The following AGBL1 variants were observed in gnomAD, a reference collection of about 807,000 sequenced individuals.
AGBL1 encodes AGBL carboxypeptidase 1.
Under a neutral mutation model 118.9 loss-of-function variants are expected in AGBL1, and 130 were observed. The ratio of observed to expected loss-of-function variants is 1.09; its 90% confidence interval spans 0.95 to 1.26. AGBL1 has a LOEUF of 1.26. AGBL1 is among the 50% of genes most tolerant of loss of function. AGBL1 has a pLI of 0.00. For missense variants in AGBL1, 1,584 were observed against 1,298.1 expected, an observed-to-expected ratio of 1.22 and a Z score of -3.38; for synonymous variants, 555 against 478.9, an observed-to-expected ratio of 1.16 and a Z score of -2.08.
rs189227586 is a variant in AGBL1 at position 86,698,238 on chromosome 15, C to A, written c.3158+23802C>A. On this transcript the variant is annotated intron_variant, in intron 22 of 22. Coordinates refer to ENST00000614907, the MANE Select transcript of AGBL1 (RefSeq NM_001386094.1). ...AGTCTTTAGGGTTGGTCTCCTAGGA[C>A]ATAGAGTGGGATGCAGAAAACTGAT... 1.6e-4 allele frequency among the ~76,000 whole-genome samples: 24 copies of A among 152,046 alleles called. 1 individual carries two copies. The Middle Eastern group carries it at 0.02, about 129-fold the overall frequency.
chr15:86,641,432 G>A (rs184872214), intron 21 of AGBL1, among the ~76,000 whole-genome samples: 10 of 151,168 alleles, frequency 6.6e-5, no homozygotes, highest in South Asian at 2.1e-4. Context: ...AAGCAGTGCC[G>A]GTAGTTACCT....
intron 22 of AGBL1, among the ~76,000 whole-genome samples, chr15:86,879,772 T>C (rs890482047): frequency 3.3e-5 from 5 of 152,054 alleles, no homozygotes; most frequent in African/African-American, 4.8e-5. Context: ...CTCCGCTGCA[T>C]GTTTGTGGGT....
intron 1 of AGBL1, among the ~76,000 whole-genome samples, chr15:86,119,319 C>T (rs1897948266): frequency 6.6e-6 from 1 of 151,954 alleles, no homozygotes; most frequent in Non-Finnish European, 1.5e-5. Flanking sequence ...AGGTAGGACT[C>T]CTGCAGATTT....
intron 22 of AGBL1, among the ~76,000 whole-genome samples, chr15:86,746,798 C>T (rs563354336): frequency 6.6e-6 from 1 of 151,848 alleles, no homozygotes; most frequent in East Asian, 1.9e-4. Flanking sequence ...GTCTATTGGC[C>T]GAAACACATG....
rs147250732 is a variant in AGBL1, at chr15:86,703,346, C to A, written c.3158+28910C>A. Among the ~76,000 whole-genome samples, 266 of 152,176 alleles carry A rather than the reference C, an allele frequency of 1.7e-3. 4 individuals carry two copies. The East Asian group carries it at 0.022, about 12-fold the overall frequency. Reference sequence around the variant, plus strand: ...GAGCTTGGACTCTGGAGCCATATGGCGTGACTTTAACTCTGGCTCTTTTTG... The same window carrying A: ...GAGCTTGGACTCTGGAGCCATATGGAGTGACTTTAACTCTGGCTCTTTTTG... On this transcript the variant is annotated intron_variant, in intron 22 of 22. Coordinates refer to ENST00000614907, the MANE Select transcript of AGBL1 (RefSeq NM_001386094.1).
intron 24 of AGBL1, among the ~76,000 whole-genome samples, chr15:87,007,812 T>C (rs2081519996): frequency 6.6e-6 from 1 of 152,214 alleles, no homozygotes; most frequent in South Asian, 2.1e-4. Context: ...ATTTCTCATC[T>C]TAAAGCTGGC....
chr15:86,626,904 C>T (rs1252678878), intron 21 of AGBL1, among the ~76,000 whole-genome samples: 1 of 144,580 alleles, frequency 6.9e-6, no homozygotes, highest in African/African-American at 2.6e-5. Context: ...GTGGCACAAT[C>T]TTGGCTCACT....
At chr15:86,757,219 A>G (rs1368773193) in intron 22 of AGBL1, among the ~76,000 whole-genome samples, 1 of 152,116 alleles carries the variant, frequency 6.6e-6, no homozygotes, top group African/African-American at 2.4e-5. Context: ...TTCTAGCGGC[A>G]AGTGAGTAAC....
At chr15:86,545,981 T>A in intron 19 of AGBL1, 21 bp from the exon 20 acceptor site, 1 of 1,607,856 alleles carries the variant, frequency 6.2e-7, no homozygotes, top group Non-Finnish European at 8.5e-7. Flanking sequence ...TTTTATTTTC[T>A]CCTTTGTTGG....
chr15:86,318,097 G>A (rs2080044173), intron 17 of AGBL1, among the ~76,000 whole-genome samples: 1 of 152,186 alleles, frequency 6.6e-6, no homozygotes, highest in African/African-American at 2.4e-5. Flanking sequence ...ATGAATGTCT[G>A]TCATCAAAAG....
At chr15:86,859,636 C>A (rs1239317038) in intron 22 of AGBL1, among the ~76,000 whole-genome samples, 1 of 152,154 alleles carries the variant, frequency 6.6e-6, no homozygotes, top group Non-Finnish European at 1.5e-5. Flanking sequence ...GTGCCGAGAA[C>A]ACACGGCTTG....
At chr15:86,517,438 G>A (rs1439380612) in intron 18 of AGBL1, among the ~76,000 whole-genome samples, 1 of 152,296 alleles carries the variant, frequency 6.6e-6, no homozygotes. Flanking sequence ...AGGGCATAAA[G>A]AACTATTTTG....
intron 22 of AGBL1, among the ~76,000 whole-genome samples, chr15:86,691,962 A>G (rs934006163): frequency 1.3e-5 from 2 of 152,058 alleles, no homozygotes; most frequent in African/African-American, 4.8e-5. Flanking sequence ...AAGTTGAATC[A>G]TCATAATTAT....
Sources: gnomAD v4.1 joint callset for allele counts (sites outside exome capture counted in the v4.1 genomes callset) on GRCh38, gnomAD v4.1.1 for gene constraint, MANE v1.5 for transcripts, NCBI Gene and HGNC (gene_info 2026-07-23, HGNC 2026-07-21) for gene names.